The following ANKRD6 variants were observed in gnomAD, a reference collection of about 807,000 sequenced individuals.
The protein encoded by ANKRD6 is ankyrin repeat domain-containing protein 6.
In ANKRD6, 56 loss-of-function variants were observed where a neutral mutation model predicts 82.3. The ratio of observed to expected loss-of-function variants is 0.68; its 90% CI spans 0.55 to 0.85. The LOEUF is 0.85. ANKRD6 is among the 40% of genes least tolerant of loss of function. The probability of loss-of-function intolerance (pLI) is 0.00; values close to 1 mark genes in which losing one functional copy is unlikely to be tolerated. For missense variants in ANKRD6, 852 were observed against 907.6 expected, an observed-to-expected ratio of 0.94 and a Z score of 0.79; for synonymous variants, 347 against 352.1, an observed-to-expected ratio of 0.99 and a Z score of 0.16.
chr6:89,614,039 TCA>T, intron 7 of ANKRD6, 149 bp downstream of exon 7: 1 of 708,918 alleles, frequency 1.4e-6, no homozygotes, highest in Non-Finnish European at 2.3e-6. Context: ...TGCATGGGTG[TCA>T]CACTGAGTTC....
intron 3 of ANKRD6, among the ~76,000 whole-genome samples, chr6:89,596,568 T>G (rs532547315): frequency 6.7e-4 from 102 of 152,248 alleles, no homozygotes; most frequent in African/African-American, 2.4e-3. Context: ...CAGAAAGAGT[T>G]TACTCTGCCA....
intron 9 of ANKRD6, chr6:89,619,932 A>G (rs1222114509): frequency 6.6e-6 from 1 of 152,090 alleles, no homozygotes; most frequent in Non-Finnish European, 1.5e-5. Flanking sequence ...GCTCACTGCA[A>G]CCTCCATCTC....
chr6:89,586,095 T>C (rs1291512227), intron 2 of ANKRD6, among the ~76,000 whole-genome samples: 1 of 152,244 alleles, frequency 6.6e-6, no homozygotes, highest in Non-Finnish European at 1.5e-5. Context: ...ATCTCAATTA[T>C]GAATGTTGAT....
chr6:89,462,764 C>T (rs1056737548), intron 1 of ANKRD6, among the ~76,000 whole-genome samples: 6 of 151,826 alleles, frequency 4.0e-5, no homozygotes. Flanking sequence ...TAACAAATCT[C>T]TTAAGTTACT....
chr6:89,627,127 G>A (rs1805966550), intron 13 of ANKRD6, among the ~76,000 whole-genome samples: 1 of 145,132 alleles, frequency 6.9e-6, no homozygotes, highest in African/African-American at 2.6e-5. Flanking sequence ...TTTTTTTTTG[G>A]CTCACTGCAA....
At chr6:89,449,419 G>A (rs1440714397) in intron 1 of ANKRD6, among the ~76,000 whole-genome samples, 1 of 152,180 alleles carries the variant, frequency 6.6e-6, no homozygotes, top group African/African-American at 2.4e-5. Flanking sequence ...GTGGTTTCTT[G>A]AGGTAGACTT....
chr6:89,538,216 T>G (rs1784080107), intron 1 of ANKRD6, among the ~76,000 whole-genome samples: 1 of 152,244 alleles, frequency 6.6e-6, no homozygotes, highest in African/African-American at 2.4e-5. Context: ...TCTACGTTTC[T>G]TCTCCATCTC....
At chr6:89,570,182 G>A (rs1436306055) in intron 2 of ANKRD6, among the ~76,000 whole-genome samples, 1 of 151,886 alleles carries the variant, frequency 6.6e-6, no homozygotes, top group Non-Finnish European at 1.5e-5. Flanking sequence ...CTAGGTTCAA[G>A]CAATCCTCCC....
At chr6:89,434,072 T>TC (rs1193733069) in intron 1 of ANKRD6, among the ~76,000 whole-genome samples, 1 of 152,072 alleles carries the variant, frequency 6.6e-6, no homozygotes, top group Non-Finnish European at 1.5e-5. Context: ...CAAGAATGTT[T>TC]CCCCCGCGAG....
intron 10 of ANKRD6, among the ~76,000 whole-genome samples, chr6:89,622,508 G>T (rs1009902708): frequency 5.3e-5 from 8 of 152,228 alleles, no homozygotes; most frequent in African/African-American, 1.9e-4. Context: ...ATTCTCATGG[G>T]GACTAAAATT....
intron 1 of ANKRD6, chr6:89,562,658 A>C (rs1455173641): frequency 6.6e-6 from 1 of 152,224 alleles, no homozygotes; most frequent in Non-Finnish European, 1.5e-5. Flanking sequence ...TGTGACGAGC[A>C]GACTAGCAAG....
At chr6:89,553,144 A>T (rs1786076547) in intron 1 of ANKRD6, among the ~76,000 whole-genome samples, 1 of 152,218 alleles carries the variant, frequency 6.6e-6, no homozygotes, top group Non-Finnish European at 1.5e-5. Context: ...GTGTCATAGT[A>T]TCTGGAATAA....
intron 1 of ANKRD6, among the ~76,000 whole-genome samples, chr6:89,515,872 G>C (rs1781150728): frequency 6.6e-6 from 1 of 152,228 alleles, no homozygotes; most frequent in Admixed American, 6.5e-5. Flanking sequence ...AAGACAGAGG[G>C]AAATTAGACA....
At chr6:89,493,904 G>T (rs530271814) in intron 1 of ANKRD6, among the ~76,000 whole-genome samples, 6 of 152,244 alleles carry the variant, frequency 3.9e-5, no homozygotes, top group African/African-American at 1.4e-4. Context: ...ATAACTTTTT[G>T]GGGGCCACTG....
chr6:89,444,625 A>G (rs1771832204), intron 1 of ANKRD6, among the ~76,000 whole-genome samples: 2 of 152,226 alleles, frequency 1.3e-5, no homozygotes. Context: ...GTTGGGATAT[A>G]TCTAGGGAAA....
chr6:89,521,819 TAA>T (rs1185770321), intron 1 of ANKRD6, among the ~76,000 whole-genome samples: 3 of 152,156 alleles, frequency 2.0e-5, no homozygotes, highest in Admixed American at 6.5e-5. Flanking sequence ...AGTTCAAATA[TAA>T]GTCTCCAATT....
intron 14 of ANKRD6, 61 bp downstream of exon 14, chr6:89,627,757 A>C: frequency 3.3e-6 from 5 of 1,495,426 alleles, no homozygotes; most frequent in Non-Finnish European, 4.6e-6. Flanking sequence ...CACTGAGCTC[A>C]GGCAGGCCTG....
intron 1 of ANKRD6, among the ~76,000 whole-genome samples, chr6:89,518,639 C>CA (rs371748442): frequency 0.016 from 2,348 of 142,640 alleles, 55 homozygotes; most frequent in African/African-American, 0.055. Context: ...TCATATGATG[C>CA]AAAAAAAAAA....
intron 2 of ANKRD6, among the ~76,000 whole-genome samples, chr6:89,571,770 A>G (rs1366934201): frequency 6.6e-6 from 1 of 152,230 alleles, no homozygotes; most frequent in Non-Finnish European, 1.5e-5. Flanking sequence ...ATACTGACGC[A>G]TCATTATCAC....
Sources: gnomAD v4.1 joint callset for allele counts (sites outside exome capture counted in the v4.1 genomes callset) on GRCh38, gnomAD v4.1.1 for gene constraint, MANE v1.5 for transcripts, NCBI Gene and HGNC (gene_info 2026-07-23, HGNC 2026-07-21) for gene names.